The following IL1RL2 variants were observed in gnomAD, a reference collection of about 807,000 sequenced individuals.
The protein encoded by IL1RL2 is interleukin 1 receptor like 2, also known as interleukin-1 receptor-like 2.
IL1RL2 carries 68 observed loss-of-function variants against 66.8 expected under a neutral mutation model. The ratio of observed to expected loss-of-function variants is 1.02; its 90% CI spans 0.84 to 1.25. The LOEUF is 1.25. Ranked by LOEUF, IL1RL2 falls within the 50% of genes most tolerant of loss-of-function variation. The pLI, the probability that IL1RL2 is intolerant of heterozygous loss-of-function variation, is 0.00. For synonymous variants in IL1RL2, 305 were observed against 264.6 expected (o/e 1.15, Z -1.48); for missense variants, 729 against 709.3 (o/e 1.03, Z -0.32).
At chr2:102,236,991 C>T (rs1674942016) in intron 11 of IL1RL2, among the ~76,000 whole-genome samples, 1 of 152,212 alleles carries the variant, frequency 6.6e-6, no homozygotes, top group Non-Finnish European at 1.5e-5. Context: ...ACCTTTTCGT[C>T]TGACGGGTCA....
At chr2:102,188,002 G>T in intron 2 of IL1RL2, 77 bp downstream of exon 2, 3 of 1,437,300 alleles carry the variant, frequency 2.1e-6, no homozygotes, top group Non-Finnish European at 2.0e-6. Flanking sequence ...GAGCCCCCGG[G>T]GATCGCGTCA....
At chr2:102,203,373 G>C (rs1341004388) in intron 5 of IL1RL2, among the ~76,000 whole-genome samples, 1 of 150,926 alleles carries the variant, frequency 6.6e-6, no homozygotes, top group Non-Finnish European at 1.5e-5. Context: ...TCTTTGTCTG[G>C]TTTTGGTATC....
chr2:102,207,316 C>T (rs186711840), intron 5 of IL1RL2, among the ~76,000 whole-genome samples: 1 of 152,284 alleles, frequency 6.6e-6, no homozygotes, highest in East Asian at 1.9e-4. Flanking sequence ...GAGTTTTGCC[C>T]TATAATCACT....
At chr2:102,233,173 A>C in intron 10 of IL1RL2, 49 bp downstream of exon 10, 3 of 1,534,036 alleles carry the variant, frequency 2.0e-6, no homozygotes, top group Non-Finnish European at 2.7e-6. Context: ...AAGGAAAGCG[A>C]CCCCTCTGTT....
intron 3 of IL1RL2, among the ~76,000 whole-genome samples, chr2:102,190,813 C>G (rs1687161859): frequency 6.6e-6 from 1 of 152,188 alleles, no homozygotes; most frequent in African/African-American, 2.4e-5. Flanking sequence ...TAGACTTAAA[C>G]TATTTAAATC....
At chr2:102,197,730 A>T (rs1687907210) in intron 4 of IL1RL2, among the ~76,000 whole-genome samples, 1 of 152,220 alleles carries the variant, frequency 6.6e-6, no homozygotes, top group African/African-American at 2.4e-5. Flanking sequence ...CTCCAGCAGC[A>T]TTGAAGTGTC....
At position 102,218,225 on chromosome 2, in the gene IL1RL2, C is replaced by A. The variant is rs892775505; in HGVS notation, c.725-728C>A. Among the ~76,000 whole-genome samples, 8 of 152,124 alleles carry A rather than the reference C, an allele frequency of 5.3e-5. No homozygotes were observed. The East Asian group carries it at 1.5e-3, about 29-fold the overall frequency. ...TTACAGATATTTGCTTATGATAATT[C>A]ATTAACTTGATATTTCTATTCTATA... is the stretch of plus-strand genomic sequence containing the variant. On this transcript the variant is annotated intron_variant, in intron 6 of 11. Coordinates refer to ENST00000264257, the MANE Select transcript of IL1RL2 (RefSeq NM_003854.4).
At chr2:102,223,374 G>T (rs1690313485) in intron 8 of IL1RL2, among the ~76,000 whole-genome samples, 1 of 152,128 alleles carries the variant, frequency 6.6e-6, no homozygotes, top group Non-Finnish European at 1.5e-5. Context: ...TTTAAATTGG[G>T]TGTGCTCTTC....
intron 8 of IL1RL2, among the ~76,000 whole-genome samples, chr2:102,222,166 G>A (rs1690199454): frequency 6.6e-6 from 1 of 152,250 alleles, no homozygotes; most frequent in Admixed American, 6.5e-5. Context: ...TATTTTCTTA[G>A]GTGTGGGGGC....
In IL1RL2 at chr2:102,189,328, A is replaced by G. The variant is rs1194425600; in HGVS notation, c.293+18A>G. On this transcript the variant is annotated intron_variant, in intron 3 of 11. Transcript: ENST00000264257. ...GTTATAAAGTAAGTTCCTAATTTAA[A>G]ATAGAACTAACTCGTGTGTGTATGT... is the stretch of plus-strand genomic sequence containing the variant. The G allele has an allele frequency of 2.7e-6, 4 of 1,464,910 alleles. No homozygotes were observed. Among genetic ancestry groups the G allele is most frequent in the Non-Finnish European group, 3.8e-6 (4 of 1,058,346 alleles). 90.7% of individuals were successfully genotyped at this position (1,464,910 alleles called of 1,614,324 possible).
chr2:102,201,898 A>G (rs951243175), intron 5 of IL1RL2, among the ~76,000 whole-genome samples, 183 bp downstream of exon 5: 1 of 152,180 alleles, frequency 6.6e-6, no homozygotes, highest in African/African-American at 2.4e-5. Flanking sequence ...GCAGAAGGGC[A>G]TGAGCAGCTT....
chr2:102,195,128 T>G (rs1301552690), intron 4 of IL1RL2, among the ~76,000 whole-genome samples: 1 of 152,218 alleles, frequency 6.6e-6, no homozygotes, highest in Non-Finnish European at 1.5e-5. Context: ...CTTGTCTATT[T>G]CTCATTGATT....
chr2:102,212,085 G>A lies in IL1RL2; in HGVS notation c.650-15G>A, dbSNP rs769544615. ...CGTGATTCTAATGCAATTTCCTGTG[G>A]GTATGATTTCTTAGCAGAAAGAGCT... On this transcript the variant is annotated splice_polypyrimidine_tract_variant and intron_variant, in intron 5 of 11. Coordinates refer to ENST00000264257, the MANE Select transcript of IL1RL2 (RefSeq NM_003854.4). The A allele has an allele frequency of 1.9e-6, 3 of 1,597,852 alleles. No homozygotes were observed. The African/African-American group carries it at 4.0e-5, about 21-fold the overall frequency.
intron 4 of IL1RL2, 31 bp from the exon 5 acceptor site, chr2:102,201,525 T>C (rs751982557): frequency 6.9e-6 from 11 of 1,600,720 alleles, no homozygotes; most frequent in South Asian, 3.3e-5. Flanking sequence ...TAAGTATTCA[T>C]TGAATTGAAT....
At chr2:102,187,205 C>T in intron 1 of IL1RL2, 119 bp downstream of exon 1, 3 of 1,218,618 alleles carry the variant, frequency 2.5e-6, no homozygotes, top group Non-Finnish European at 3.2e-6. Context: ...GGATCAGGCC[C>T]CCCAGGCCGG....
downstream of IL1RL2, among the ~76,000 whole-genome samples, chr2:102,241,669 C>T (rs539344528): frequency 9.7e-4 from 148 of 152,298 alleles, no homozygotes; most frequent in South Asian, 1.9e-3. Flanking sequence ...TCTTTAAGTA[C>T]ATTATCTCAT....
At chr2:102,196,799 GT>G (rs1012892424) in intron 4 of IL1RL2, among the ~76,000 whole-genome samples, 1 of 152,120 alleles carries the variant, frequency 6.6e-6, no homozygotes, top group African/African-American at 2.4e-5. Flanking sequence ...GGGGGCCTTG[GT>G]TAGAGTTTAG....
intron 6 of IL1RL2, among the ~76,000 whole-genome samples, chr2:102,217,637 A>G (rs531673702): frequency 2.0e-5 from 3 of 152,318 alleles, no homozygotes; most frequent in African/African-American, 7.2e-5. Context: ...ACAAATCAAC[A>G]GCCAACTGAT....
At chr2:102,190,526 A>G (rs1687138902) in intron 3 of IL1RL2, among the ~76,000 whole-genome samples, 1 of 152,212 alleles carries the variant, frequency 6.6e-6, no homozygotes. Context: ...GTGTCCCAGC[A>G]TGGCCCCTGT....
Sources: gnomAD v4.1 joint callset for allele counts (sites outside exome capture counted in the v4.1 genomes callset) on GRCh38, gnomAD v4.1.1 for gene constraint, MANE v1.5 for transcripts, NCBI Gene and HGNC (gene_info 2026-07-23, HGNC 2026-07-21) for gene names.